TMEM178B: variants seen among roughly 807,000 people sequenced by gnomAD.
TMEM178B encodes transmembrane protein 178B.
TMEM178B carries 5 observed loss-of-function variants against 31.0 expected under a neutral mutation model. The observed-to-expected ratio is 0.16, with a 90% confidence interval of 0.08 to 0.34. The LOEUF is 0.34. Among genes scored for constraint, TMEM178B ranks in the 10% least tolerant of loss-of-function variants. TMEM178B has a pLI of 1.00. For synonymous variants in TMEM178B, 164 were observed against 164.0 expected (o/e 1.00, Z 0.00); for missense variants, 275 against 400.3 (o/e 0.69, Z 2.67).
At chr7:141,317,814 A>G (rs112828811) in intron 2 of TMEM178B, among the ~76,000 whole-genome samples, 1 of 152,182 alleles carries the variant, frequency 6.6e-6, no homozygotes, top group Non-Finnish European at 1.5e-5. Flanking sequence ...TCTGCCAGCA[A>G]TTAAGGGTTT....
the TMEM178B span, among the ~76,000 whole-genome samples, chr7:141,490,757 A>G: frequency 6.6e-6 from 1 of 152,330 alleles, no homozygotes; most frequent in East Asian, 1.9e-4. Flanking sequence ...CATCAGCATA[A>G]GGTTGCTCCC....
the TMEM178B span, among the ~76,000 whole-genome samples, chr7:141,490,209 T>C: frequency 2.0e-5 from 3 of 152,210 alleles, no homozygotes; most frequent in African/African-American, 7.2e-5. Flanking sequence ...AGTGCTGGTA[T>C]TACTATGAAT....
At chr7:141,423,483 T>G (rs1014797256) in intron 2 of TMEM178B, among the ~76,000 whole-genome samples, 3 of 152,136 alleles carry the variant, frequency 2.0e-5, no homozygotes, top group Non-Finnish European at 4.4e-5. Context: ...TCAATTCAAG[T>G]GCTCTACACC....
chr7:141,082,201 A>G (rs539673732), intron 1 of TMEM178B, among the ~76,000 whole-genome samples: 6 of 152,352 alleles, frequency 3.9e-5, no homozygotes, highest in Middle Eastern at 3.4e-3. Context: ...GTTCAGTGAC[A>G]TGTGACTGTA....
chr7:141,491,036 TA>T, the TMEM178B span, among the ~76,000 whole-genome samples: 1 of 152,178 alleles, frequency 6.6e-6, no homozygotes, highest in African/African-American at 2.4e-5. Context: ...TTTACTTTTT[TA>T]TTTTTTTTGA....
chr7:141,270,608 A>G (rs2116378580), intron 2 of TMEM178B, among the ~76,000 whole-genome samples: 1 of 152,318 alleles, frequency 6.6e-6, no homozygotes, highest in East Asian at 1.9e-4. Context: ...CTAAAGCATC[A>G]TTTCTAATTA....
chr7:141,298,779 T>A (rs551016275), intron 2 of TMEM178B, among the ~76,000 whole-genome samples: 2 of 152,362 alleles, frequency 1.3e-5, no homozygotes, highest in South Asian at 4.1e-4. Context: ...TTATATGCAC[T>A]TGGACACATT....
chr7:141,211,279 G>C (rs1402118392), intron 1 of TMEM178B, among the ~76,000 whole-genome samples: 1 of 152,198 alleles, frequency 6.6e-6, no homozygotes, highest in Non-Finnish European at 1.5e-5. Flanking sequence ...TCTAGAACGT[G>C]CCTCTTGGAC....
At chr7:141,299,880 G>A (rs571411411) in intron 2 of TMEM178B, among the ~76,000 whole-genome samples, 36 of 152,158 alleles carry the variant, frequency 2.4e-4, no homozygotes, top group Non-Finnish European at 4.3e-4. Context: ...TGAACCCCTG[G>A]CTCAAGTGAT....
At chr7:141,502,009 GAGA>G in the TMEM178B span, among the ~76,000 whole-genome samples, 4 of 152,226 alleles carry the variant, frequency 2.6e-5, no homozygotes, top group Admixed American at 1.3e-4. Flanking sequence ...TCAAAGCTGA[GAGA>G]AGATGATCCA....
chr7:141,491,433 C>G, the TMEM178B span, among the ~76,000 whole-genome samples: 1 of 152,152 alleles, frequency 6.6e-6, no homozygotes, highest in Non-Finnish European at 1.5e-5. Context: ...TTTATTTGCT[C>G]TCTCTAGATT....
intron 2 of TMEM178B, among the ~76,000 whole-genome samples, chr7:141,268,776 C>A (rs1798133476): frequency 6.6e-6 from 1 of 152,200 alleles, no homozygotes; most frequent in Admixed American, 6.5e-5. Flanking sequence ...ACAGTGGCTT[C>A]TAAGAGAGAA....
chr7:141,336,939 C>T (rs1436126951), intron 2 of TMEM178B, among the ~76,000 whole-genome samples: 2 of 121,058 alleles, frequency 1.7e-5, no homozygotes, highest in African/African-American at 3.4e-5. Context: ...ACCATCACCA[C>T]CACCATCACC....
chr7:141,247,513 AG>A (rs1797757064), intron 2 of TMEM178B, among the ~76,000 whole-genome samples: 1 of 152,148 alleles, frequency 6.6e-6, no homozygotes, highest in Non-Finnish European at 1.5e-5. Context: ...GCTGCCTCCA[AG>A]CGACATCCAT....
At chr7:141,076,902 T>C (rs1220720015) in intron 1 of TMEM178B, among the ~76,000 whole-genome samples, 2 of 152,210 alleles carry the variant, frequency 1.3e-5, no homozygotes, top group Non-Finnish European at 2.9e-5. Flanking sequence ...GACATTCTTG[T>C]TAGGTATTAT....
intron 1 of TMEM178B, among the ~76,000 whole-genome samples, chr7:141,170,013 C>T (rs1388996112): frequency 6.6e-6 from 1 of 152,268 alleles, no homozygotes; most frequent in East Asian, 1.9e-4. Flanking sequence ...TAAATACAAT[C>T]AAGTGTGTAT....
chr7:141,216,727 T>C (rs1039516446), intron 2 of TMEM178B, among the ~76,000 whole-genome samples: 25 of 152,120 alleles, frequency 1.6e-4, no homozygotes, highest in African/African-American at 6.0e-4. Context: ...GGAGTTGGGA[T>C]CCATGTCCTT....
intron 3 of TMEM178B, among the ~76,000 whole-genome samples, chr7:141,445,119 T>A (rs1374746637): frequency 6.6e-6 from 1 of 152,160 alleles, no homozygotes; most frequent in Non-Finnish European, 1.5e-5. Flanking sequence ...GAGAATGCCC[T>A]AAAGAAGCTC....
At chr7:141,510,709 A>AAAAAAAAAAAAAAAAAGAAAG in the TMEM178B span, among the ~76,000 whole-genome samples, 1 of 134,954 alleles carries the variant, frequency 7.4e-6, no homozygotes. Context: ...AAAAAAAAAA[A>AAAAAAAAAAAAAAAAAGAAAG]AAAGAAAAAA....
Sources: allele counts gnomAD v4.1 joint callset (sites outside exome capture counted in the v4.1 genomes callset), GRCh38; gene constraint gnomAD v4.1.1; transcripts MANE v1.5; gene names NCBI Gene and HGNC (gene_info 2026-07-23, HGNC 2026-07-21).